The following SLC25A36 variants were observed in gnomAD, a reference collection of about 807,000 sequenced individuals.
SLC25A36 encodes epididymis secretory sperm binding protein.
A neutral mutation model predicts 35.3 loss-of-function variants in SLC25A36; 24 were observed. The ratio of observed to expected loss-of-function variants is 0.68; its 90% CI spans 0.49 to 0.96. The LOEUF (loss-of-function observed/expected upper bound fraction) is 0.96. Ranked by LOEUF, SLC25A36 falls within the 40% of genes least tolerant of loss-of-function variation. The pLI is 0.00. For synonymous variants in SLC25A36, 141 were observed against 132.2 expected, an observed-to-expected ratio of 1.07 and a Z score of -0.46; for missense variants, 294 against 381.1, an observed-to-expected ratio of 0.77 and a Z score of 1.90.
rs1157924354 is a variant in SLC25A36 at position 140,979,377 on chromosome 3, T to G, written c.*2924T>G. On this transcript the variant is annotated 3_prime_UTR_variant, in exon 7 of 7. Transcript: ENST00000324194. ...TTTAAGTGCTAAAAATCAATCCATT[T>G]CTTGCCCTTCAATAATTGTCCATGC... 6.6e-6 allele frequency: 1 copy of G among 152,202 alleles called. No homozygotes were observed. Among genetic ancestry groups the G allele is most frequent in the Non-Finnish European group, 1.5e-5 (1 of 68,014 alleles). The allele number at this position is 152,202 out of a possible 1,614,324, so 9.4% of individuals were successfully genotyped here. A position where few individuals can be genotyped will look rare whatever the true frequency, so the allele number is the denominator to read the frequency against.
At chr3:140,942,177 G>GGGGGTAC (rs1934023018) in intron 1 of SLC25A36, 82 bp downstream of exon 1, 2 of 129,700 alleles carry the variant, frequency 1.5e-5, no homozygotes, top group African/African-American at 3.6e-5. Context: ...GGGGGGCCGA[G>GGGGGTAC]GGGGGTGGGG....
intron 4 of SLC25A36, chr3:140,968,088 T>C: frequency 1.0e-6 from 1 of 985,032 alleles, no homozygotes; most frequent in Non-Finnish European, 1.2e-6. Context: ...TCAAATTGCC[T>C]TACCATATAT....
At chr3:140,953,681 G>C (rs539317649) in intron 1 of SLC25A36, among the ~76,000 whole-genome samples, 1 of 152,268 alleles carries the variant, frequency 6.6e-6, no homozygotes, top group African/African-American at 2.4e-5. Flanking sequence ...TATTGGCTGG[G>C]CCTAGTGGTT....
chr3:140,973,567 T>A, intron 5 of SLC25A36, 149 bp from the exon 6 acceptor site: 2 of 623,736 alleles, frequency 3.2e-6, no homozygotes, highest in Admixed American at 3.9e-5. Context: ...GACAAAAGAA[T>A]AGGAAATCTA....
At chr3:140,947,052 A>G (rs1265179591) in intron 1 of SLC25A36, among the ~76,000 whole-genome samples, 2 of 152,326 alleles carry the variant, frequency 1.3e-5, no homozygotes, top group South Asian at 2.1e-4. Flanking sequence ...AGTACACTTC[A>G]TAGTGACCAA....
rs150268080 is a variant in SLC25A36, at chr3:140,945,780, T to C, written c.41+3685T>C. ...AGCCAGTTTAACCTAAGAATGCTCA[T>C]GAAGGAGTAAAAATACTAATTTTAT... On this transcript the variant is annotated intron_variant, in intron 1 of 6. Transcript: ENST00000324194. Among the ~76,000 whole-genome samples the C allele has an allele frequency of 1.7e-3, 251 of 150,266 alleles. 3 individuals are homozygous for C. The East Asian group carries it at 0.019, about 12-fold the overall frequency.
chr3:140,974,174 G>A (rs1934978318), intron 6 of SLC25A36, among the ~76,000 whole-genome samples, 169 bp downstream of exon 6: 1 of 152,120 alleles, frequency 6.6e-6, no homozygotes, highest in South Asian at 2.1e-4. Flanking sequence ...TAATAGGTCA[G>A]TATTATGCTA....
At chr3:140,956,867 C>A in intron 2 of SLC25A36, 176 bp downstream of exon 2, 3 of 1,063,192 alleles carry the variant, frequency 2.8e-6, no homozygotes, top group Non-Finnish European at 3.6e-6. Flanking sequence ...AACAGTTAGA[C>A]AGATAAGATA....
intron 4 of SLC25A36, chr3:140,968,036 G>A: frequency 1.0e-6 from 1 of 984,718 alleles, no homozygotes; most frequent in Non-Finnish European, 1.2e-6. Context: ...GTGTGTGTTT[G>A]TCATATAAGT....
At chr3:140,974,958 G>A (rs1176208770) in intron 6 of SLC25A36, among the ~76,000 whole-genome samples, 1 of 152,082 alleles carries the variant, frequency 6.6e-6, no homozygotes, top group Non-Finnish European at 1.5e-5. Context: ...ATATTGTTTA[G>A]ATACTGACCT....
chr3:140,968,873 G>A lies in SLC25A36; in HGVS notation c.386-2054G>A, dbSNP rs533320345. 3.1e-4 allele frequency: 66 copies of A among 214,564 alleles called. No individual in the cohort carries two copies. The South Asian group carries it at 5.8e-3, about 19-fold the overall frequency. 13.3% of individuals were successfully genotyped at this position (214,564 alleles called of 1,614,324 possible). ...TTGGCTGTTTTTTAAAAAGTTTGAT[G>A]TAAAGATTCCCAGTTTTAAGCTTTT... On this transcript the variant is annotated intron_variant, in intron 4 of 6. Coordinates refer to ENST00000324194, the MANE Select transcript of SLC25A36 (RefSeq NM_001104647.3).
At chr3:140,964,352 T>C (rs1342146606) in intron 4 of SLC25A36, 1 of 151,876 alleles carries the variant, frequency 6.6e-6, no homozygotes, top group Non-Finnish European at 1.5e-5. Context: ...GTCAAAAGAG[T>C]GAAATACAAT....
Position 140,976,258 on chromosome 3 carries a change from A to G in SLC25A36, c.743-2A>G, listed in dbSNP as rs1935040774. On this transcript the variant is annotated splice_acceptor_variant, in intron 6 of 6. Coordinates refer to ENST00000324194, the MANE Select transcript of SLC25A36 (RefSeq NM_001104647.3). LOFTEE classifies it high-confidence loss of function. ...GTTTAATTTTATTTCTTTCCTACAC[A>G]GAAGTTGTAAGAACAAGACTACGTG... The G allele has an allele frequency of 6.3e-7, 1 of 1,579,216 alleles. No homozygotes were observed. Among genetic ancestry groups the G allele is most frequent in the Non-Finnish European group, 8.6e-7 (1 of 1,158,324 alleles).
chr3:140,967,088 C>T, intron 4 of SLC25A36: 1 of 454,060 alleles, frequency 2.2e-6, no homozygotes, highest in East Asian at 7.0e-5. Context: ...GAAACCCACC[C>T]TGGGATTTTA....
At chr3:140,969,551 A>G (rs905767327) in intron 4 of SLC25A36, among the ~76,000 whole-genome samples, 1 of 151,878 alleles carries the variant, frequency 6.6e-6, no homozygotes, top group East Asian at 1.9e-4. Context: ...TAATTGGAGC[A>G]TCCATTTGTA....
intron 3 of SLC25A36, among the ~76,000 whole-genome samples, chr3:140,962,282 T>G (rs1934650173): frequency 6.6e-6 from 1 of 152,230 alleles, no homozygotes; most frequent in Non-Finnish European, 1.5e-5. Flanking sequence ...TCATTTGTAT[T>G]TGTCACTCTG....
chr3:140,957,176 G>A (rs190554331), intron 2 of SLC25A36: 1 of 152,324 alleles, frequency 6.6e-6, no homozygotes, highest in Admixed American at 6.5e-5. Context: ...TGTTTTTACA[G>A]TTTGCCATAC....
chr3:140,965,554 T>G (rs1319730984), intron 4 of SLC25A36: 1 of 151,870 alleles, frequency 6.6e-6, no homozygotes, highest in Non-Finnish European at 1.5e-5. Flanking sequence ...ATTTTGCATT[T>G]TATCCATATG....
intron 5 of SLC25A36, among the ~76,000 whole-genome samples, chr3:140,972,220 C>G (rs1348494351): frequency 6.6e-6 from 1 of 152,138 alleles, no homozygotes; most frequent in Non-Finnish European, 1.5e-5. Context: ...TATGAGGAAT[C>G]CAGGAAAAGC....
Sources: allele counts gnomAD v4.1 joint callset (sites outside exome capture counted in the v4.1 genomes callset), GRCh38; gene constraint gnomAD v4.1.1; transcripts MANE v1.5; gene names NCBI Gene and HGNC (gene_info 2026-07-23, HGNC 2026-07-21).